Variants in EPHA6 observed in about 807,000 individuals in gnomAD.
EPHA6 encodes EPH receptor A6, also known as ephrin type-A receptor 6.
EPHA6 carries 50 observed loss-of-function variants against 112.0 expected under a neutral mutation model. The ratio of observed to expected loss-of-function variants is 0.45; its 90% CI spans 0.36 to 0.56. The LOEUF is 0.56. Ranked by LOEUF, EPHA6 falls within the 20% of genes least tolerant of loss-of-function variation. EPHA6 has a pLI of 0.00. For synonymous variants in EPHA6, 529 were observed against 490.7 expected (o/e 1.08, Z -1.03); for missense variants, 1,280 against 1,417.4 (o/e 0.90, Z 1.56).
intron 13 of EPHA6, 40 bp downstream of exon 13, chr3:97,610,894 C>A (rs756501467): frequency 2.2e-5 from 31 of 1,428,822 alleles, no homozygotes; most frequent in Non-Finnish European, 2.7e-5. Flanking sequence ...ATAAGCTATT[C>A]TCAGTTCTAT....
At position 97,706,792 on chromosome 3, in the gene EPHA6, T is replaced by G. The variant is rs370198517; in HGVS notation, c.2785-13469T>G. ...CTGATCCCTCCTTTGTTTTGTTGTT[T>G]TTTTTTTTTTGCTGCCAATTGAATC... is the stretch of plus-strand genomic sequence containing the variant. On this transcript the variant is annotated intron_variant, in intron 14 of 17. Transcript: ENST00000389672. 1.7e-4 allele frequency among the ~76,000 whole-genome samples: 25 copies of G among 151,396 alleles called. No individual in the cohort carries two copies. In the South Asian group the frequency reaches 3.5e-3, roughly 21 times the overall value.
intron 2 of EPHA6, among the ~76,000 whole-genome samples, chr3:96,937,413 A>T (rs2107674159): frequency 6.6e-6 from 1 of 151,866 alleles, no homozygotes; most frequent in East Asian, 1.9e-4. Context: ...TTCTTTTGAG[A>T]AGTGTCTGTT....
At chr3:97,544,234 T>C (rs2092911486) in intron 11 of EPHA6, among the ~76,000 whole-genome samples, 1 of 152,198 alleles carries the variant, frequency 6.6e-6, no homozygotes, top group South Asian at 2.1e-4. Context: ...GGGTTTGTCA[T>C]AGATAGCTCT....
At chr3:96,910,431 A>C (rs1025586477) in intron 2 of EPHA6, among the ~76,000 whole-genome samples, 8 of 152,066 alleles carry the variant, frequency 5.3e-5, no homozygotes, top group African/African-American at 1.9e-4. Context: ...ATTAGATTAT[A>C]TCACTGTTTT....
chr3:97,189,479 A>G (rs1193663578), intron 3 of EPHA6, among the ~76,000 whole-genome samples: 1 of 152,088 alleles, frequency 6.6e-6, no homozygotes, highest in Non-Finnish European at 1.5e-5. Context: ...CATTTTCTCC[A>G]AACAAAATTT....
intron 3 of EPHA6, among the ~76,000 whole-genome samples, chr3:96,993,084 G>A (rs1205433050): frequency 6.6e-6 from 1 of 152,142 alleles, no homozygotes; most frequent in African/African-American, 2.4e-5. Context: ...TGTGAAATAA[G>A]TAAATTTTCT....
intron 5 of EPHA6, among the ~76,000 whole-genome samples, chr3:97,329,550 C>A (rs947859769): frequency 6.6e-6 from 1 of 151,396 alleles, no homozygotes; most frequent in Non-Finnish European, 1.5e-5. Context: ...TTTTGATTTG[C>A]ATTTCTCTGA....
intron 3 of EPHA6, among the ~76,000 whole-genome samples, chr3:97,085,742 T>G (rs1215486855): frequency 5.3e-5 from 8 of 151,930 alleles, no homozygotes; most frequent in East Asian, 1.9e-4. Flanking sequence ...CTATTTATCT[T>G]AGGGCTGAGA....
chr3:97,717,562 T>G (rs1001674285), intron 14 of EPHA6, among the ~76,000 whole-genome samples: 1 of 152,212 alleles, frequency 6.6e-6, no homozygotes, highest in Non-Finnish European at 1.5e-5. Flanking sequence ...TGCATGCCTC[T>G]GATACCTTTT....
At chr3:97,031,565 C>T (rs1251252346) in intron 3 of EPHA6, among the ~76,000 whole-genome samples, 1 of 151,810 alleles carries the variant, frequency 6.6e-6, no homozygotes, top group Non-Finnish European at 1.5e-5. Context: ...AGGGCTAATA[C>T]CCAGAATCTA....
intron 5 of EPHA6, among the ~76,000 whole-genome samples, chr3:97,278,986 C>A (rs2080194844): frequency 6.6e-6 from 1 of 152,182 alleles, no homozygotes; most frequent in African/African-American, 2.4e-5. Flanking sequence ...TGTGTGGGCT[C>A]TTTATCTCTT....
chr3:97,617,263 AGCTCCTG>A (rs2107487027), intron 13 of EPHA6, among the ~76,000 whole-genome samples: 1 of 152,308 alleles, frequency 6.6e-6, no homozygotes, highest in Admixed American at 6.5e-5. Context: ...GTCTTATAAG[AGCTCCTG>A]AAGGAAGCCT....
intron 13 of EPHA6, among the ~76,000 whole-genome samples, chr3:97,631,782 G>A (rs985839866): frequency 6.6e-6 from 1 of 151,920 alleles, no homozygotes; most frequent in African/African-American, 2.4e-5. Context: ...ACCAGTTATA[G>A]TGTCATCTAC....
intron 5 of EPHA6, among the ~76,000 whole-genome samples, chr3:97,368,055 A>G (rs527652874): frequency 7.9e-5 from 12 of 152,276 alleles, no homozygotes; most frequent in African/African-American, 2.4e-4. Flanking sequence ...CAAAATTTAC[A>G]TGTTCTTTAT....
chr3:97,561,625 G>T (rs563179171), intron 11 of EPHA6, among the ~76,000 whole-genome samples: 1 of 152,184 alleles, frequency 6.6e-6, no homozygotes, highest in African/African-American at 2.4e-5. Context: ...AGGCAAAGCA[G>T]CAAGTGTTGA....
intron 5 of EPHA6, among the ~76,000 whole-genome samples, chr3:97,322,468 C>G (rs1195693654): frequency 6.6e-6 from 1 of 151,934 alleles, no homozygotes; most frequent in Non-Finnish European, 1.5e-5. Flanking sequence ...ACCCACTATT[C>G]TCAAAATGAC....
At chr3:97,502,256 C>T (rs2092140753) in intron 10 of EPHA6, among the ~76,000 whole-genome samples, 1 of 150,146 alleles carries the variant, frequency 6.7e-6, no homozygotes, top group Non-Finnish European at 1.5e-5. Flanking sequence ...GCAACCTCTG[C>T]CTCCTAGGTT....
At chr3:97,316,398 A>G (rs2081838205) in intron 5 of EPHA6, among the ~76,000 whole-genome samples, 1 of 151,886 alleles carries the variant, frequency 6.6e-6, no homozygotes, top group South Asian at 2.1e-4. Context: ...CCTGCCCAGG[A>G]ACACCAATCA....
At chr3:97,209,012 C>A (rs866459562) in intron 3 of EPHA6, among the ~76,000 whole-genome samples, 10 of 152,010 alleles carry the variant, frequency 6.6e-5, no homozygotes, top group South Asian at 2.1e-4. Flanking sequence ...TGCTGTTATT[C>A]TATAATATTC....
Sources: allele counts gnomAD v4.1 joint callset (sites outside exome capture counted in the v4.1 genomes callset), GRCh38; gene constraint gnomAD v4.1.1; transcripts MANE v1.5; gene names NCBI Gene and HGNC (gene_info 2026-07-23, HGNC 2026-07-21).